The following KCNQ3 variants were observed in gnomAD, a reference collection of about 807,000 sequenced individuals.
The protein encoded by KCNQ3 is potassium voltage-gated channel subfamily KQT member 3.
KCNQ3 carries 30 observed loss-of-function variants against 92.5 expected under a neutral mutation model. The ratio of observed to expected loss-of-function variants is 0.32; its 90% CI spans 0.24 to 0.44. The LOEUF (loss-of-function observed/expected upper bound fraction) is 0.44. Among genes scored for constraint, KCNQ3 ranks in the 20% least tolerant of loss-of-function variants. The probability of loss-of-function intolerance (pLI) is 1.00; values close to 1 mark genes in which losing one functional copy is unlikely to be tolerated. For synonymous variants in KCNQ3, 450 were observed against 468.8 expected (o/e 0.96, Z 0.52); for missense variants, 913 against 1,140.3 (o/e 0.80, Z 2.87).
intron 4 of KCNQ3, among the ~76,000 whole-genome samples, chr8:132,179,219 A>G (rs761519402): frequency 4.6e-5 from 7 of 151,844 alleles, no homozygotes; most frequent in Non-Finnish European, 1.0e-4. Flanking sequence ...AGGAAACACA[A>G]GCAGTACCAT....
rs972394465 is a variant in KCNQ3 at position 132,476,674 on chromosome 8, C to CT, written c.386+3472dup. 4.6e-5 allele frequency among the ~76,000 whole-genome samples: 7 copies of CT among 151,928 alleles called. No individual in the cohort carries two copies. In the East Asian group the frequency reaches 9.7e-4, roughly 21 times the overall value. Reference sequence around the variant, plus strand: ...CCCATTGTATCTTGGAAGTAACAAACTTTTTTTTTATTTTACAGGTTCATT... The same window carrying CT: ...CCCATTGTATCTTGGAAGTAACAAACTTTTTTTTTTATTTTACAGGTTCATT... On this transcript the variant is annotated intron_variant, in intron 1 of 14. Transcript: ENST00000388996.
chr8:132,212,537 G>A (rs943024071), intron 1 of KCNQ3, among the ~76,000 whole-genome samples: 1 of 151,648 alleles, frequency 6.6e-6, no homozygotes, highest in African/African-American at 2.4e-5. Flanking sequence ...ATTCTCTTCG[G>A]GACATGTCCC....
At chr8:132,257,555 C>T (rs1234805271) in intron 1 of KCNQ3, among the ~76,000 whole-genome samples, 1 of 151,796 alleles carries the variant, frequency 6.6e-6, no homozygotes, top group African/African-American at 2.4e-5. Flanking sequence ...ACCATCCTGT[C>T]CAACATGGTG....
chr8:132,151,400 T>C (rs911804056), intron 9 of KCNQ3, among the ~76,000 whole-genome samples: 1 of 152,242 alleles, frequency 6.6e-6, no homozygotes, highest in Non-Finnish European at 1.5e-5. Context: ...GGCTAAATAA[T>C]TGTTTTAAAT....
chr8:132,129,454 G>C lies in KCNQ3; in HGVS notation c.2427C>G (p.Ile809Met), dbSNP rs1824782796. The change falls in exon 15 of 15, where the codon ATC (isoleucine) becomes ATG (methionine). Residue 809 changes from isoleucine to methionine, a missense_variant. This residue lies in a region of KCNQ3 where 375 missense variants were observed against 376.4 expected (regional missense o/e 1.00). Transcript: ENST00000388996. The surrounding 1 kb of genome is among the most constrained non-coding windows in gnomAD (Gnocchi z 5.9). ...ELERSPSGFSISQDRDDYVFG... is the reference protein window; with the variant it reads ...ELERSPSGFSMSQDRDDYVFG... ...ACACATAATCATCTCTGTCCTGGGAGATGCTGAAGCCACTTGGAGACCTCT... is the reference window on the plus strand; with the variant it reads ...ACACATAATCATCTCTGTCCTGGGACATGCTGAAGCCACTTGGAGACCTCT... The C allele has an allele frequency of 3.7e-6, 6 of 1,614,098 alleles. No individual in the cohort carries two copies. In the South Asian group the frequency reaches 6.6e-5, roughly 18 times the overall value.
intron 1 of KCNQ3, among the ~76,000 whole-genome samples, chr8:132,252,893 T>C (rs979984763): frequency 1.5e-4 from 23 of 152,138 alleles, no homozygotes; most frequent in Non-Finnish European, 1.5e-5. Flanking sequence ...TCACAGCATA[T>C]AGACATTCAG....
At chr8:132,267,454 C>T (rs1320196304) in intron 1 of KCNQ3, among the ~76,000 whole-genome samples, 1 of 152,154 alleles carries the variant, frequency 6.6e-6, no homozygotes, top group Non-Finnish European at 1.5e-5. Flanking sequence ...ATGGTTTCTG[C>T]TGACGGCTTG....
chr8:132,437,778 C>T (rs528437853), intron 1 of KCNQ3, among the ~76,000 whole-genome samples: 2 of 152,282 alleles, frequency 1.3e-5, no homozygotes, highest in South Asian at 4.1e-4. Context: ...TGTCCCAGGC[C>T]CCAAATACCC....
chr8:132,279,676 G>T (rs995327684), intron 1 of KCNQ3, among the ~76,000 whole-genome samples: 1 of 152,104 alleles, frequency 6.6e-6, no homozygotes, highest in Non-Finnish European at 1.5e-5. Flanking sequence ...GCACACACAC[G>T]TGTATATGTA....
rs186452155 is a variant in KCNQ3, at chr8:132,416,982, G to A, written c.386+63165C>T. Among the ~76,000 whole-genome samples the A allele has an allele frequency of 2.7e-4, 41 of 152,266 alleles. 1 individual carries two copies. The East Asian group carries it at 7.6e-3, about 28-fold the overall frequency. ...CACGTCTGAGGGAGCCTGAAGGGTG[G>A]AGGAGCTAACAGTTCTCTAGGGAGA... On this transcript the variant is annotated intron_variant, in intron 1 of 14. Transcript: ENST00000388996.
At chr8:132,461,874 T>C (rs897425629) in intron 1 of KCNQ3, among the ~76,000 whole-genome samples, 1 of 152,254 alleles carries the variant, frequency 6.6e-6, no homozygotes, top group African/African-American at 2.4e-5. Flanking sequence ...ATTGAATTGT[T>C]TTCCTTATTG....
chr8:132,301,796 G>A (rs1468383465), intron 1 of KCNQ3, among the ~76,000 whole-genome samples: 1 of 152,164 alleles, frequency 6.6e-6, no homozygotes, highest in Non-Finnish European at 1.5e-5. Context: ...GGCACATTGA[G>A]ACTGAGACTG....
chr8:132,192,882 G>A (rs1019120882), intron 1 of KCNQ3, among the ~76,000 whole-genome samples: 3 of 152,132 alleles, frequency 2.0e-5, no homozygotes, highest in Non-Finnish European at 4.4e-5. Flanking sequence ...CCTGACCACA[G>A]GTGATCCACC....
At chr8:132,235,826 T>C (rs1458516915) in intron 1 of KCNQ3, among the ~76,000 whole-genome samples, 2 of 152,190 alleles carry the variant, frequency 1.3e-5, no homozygotes, top group East Asian at 3.9e-4. Flanking sequence ...AGAAAGGCCT[T>C]CCCTGACCAA....
At chr8:132,332,632 T>C (rs956606135) in intron 1 of KCNQ3, among the ~76,000 whole-genome samples, 15 of 152,248 alleles carry the variant, frequency 9.9e-5, no homozygotes, top group Non-Finnish European at 1.6e-4. Context: ...TCCTTCTCTG[T>C]CCTTGTGTTT....
intron 1 of KCNQ3, among the ~76,000 whole-genome samples, chr8:132,410,674 AC>A (rs1563900823): frequency 3.3e-5 from 5 of 152,180 alleles, no homozygotes; most frequent in African/African-American, 1.2e-4. Context: ...ATCTAACGTT[AC>A]CTTTCACTAC....
At chr8:132,338,826 T>G (rs1818439618) in intron 1 of KCNQ3, among the ~76,000 whole-genome samples, 1 of 152,186 alleles carries the variant, frequency 6.6e-6, no homozygotes, top group Non-Finnish European at 1.5e-5. Flanking sequence ...GAAGGGATGT[T>G]GAGACCTCAT....
intron 1 of KCNQ3, among the ~76,000 whole-genome samples, chr8:132,382,488 T>TA (rs1462121882): frequency 2.6e-5 from 4 of 152,228 alleles, no homozygotes; most frequent in Non-Finnish European, 4.4e-5. Flanking sequence ...GCCACACTTG[T>TA]ACAGCCTGCA....
intron 1 of KCNQ3, among the ~76,000 whole-genome samples, chr8:132,246,494 C>T (rs553139678): frequency 6.6e-6 from 1 of 152,292 alleles, no homozygotes; most frequent in South Asian, 2.1e-4. Flanking sequence ...ATAAACAACA[C>T]TTTAAATCAT....
Sources: gnomAD v4.1 joint callset for allele counts (sites outside exome capture counted in the v4.1 genomes callset) on GRCh38, gnomAD v4.1.1 for gene constraint, gnomAD v4.1.1 regional missense constraint, Gnocchi (gnomAD v3.1) non-coding constraint, MANE v1.5 for transcripts, NCBI Gene and HGNC (gene_info 2026-07-23, HGNC 2026-07-21) for gene names.